SPAG1: variants seen among roughly 807,000 people sequenced by gnomAD.
SPAG1 encodes the protein sperm-associated antigen 1.
A neutral mutation model predicts 100.5 loss-of-function variants in SPAG1; 69 were observed. That is an observed-to-expected ratio of 0.69 (90% CI 0.57 to 0.84). The LOEUF is 0.84. Among genes scored for constraint, SPAG1 ranks in the 40% least tolerant of loss-of-function variants. The pLI, the probability that SPAG1 is intolerant of heterozygous loss-of-function variation, is 0.00. For missense variants in SPAG1, 955 were observed against 1,133.1 expected (o/e 0.84, Z 2.26); for synonymous variants, 336 against 411.6 (o/e 0.82, Z 2.22).
At chr8:100,175,093 C>T (rs1416971622) in intron 3 of SPAG1, among the ~76,000 whole-genome samples, 2 of 151,776 alleles carry the variant, frequency 1.3e-5, no homozygotes, top group Non-Finnish European at 2.9e-5. Flanking sequence ...TCAAGCGATC[C>T]TCCTGCCTCA....
intron 3 of SPAG1, among the ~76,000 whole-genome samples, chr8:100,171,093 A>G (rs557709405): frequency 6.6e-6 from 1 of 152,152 alleles, no homozygotes; most frequent in Non-Finnish European, 1.5e-5. Flanking sequence ...TTCTGCATTT[A>G]TTGAGATGAA....
rs1819276822 is a variant in SPAG1 at position 100,241,646 on chromosome 8, G to T, written c.*624G>T. 1 of 151,980 alleles carries T rather than the reference G, an allele frequency of 6.6e-6. No homozygotes were observed. Among genetic ancestry groups the T allele is most frequent in the African/African-American group, 2.4e-5 (1 of 41,386 alleles). 9.4% of individuals were successfully genotyped at this position (151,980 alleles called of 1,614,324 possible). The stretch of plus-strand genomic sequence containing the variant: ...CAAAAATTTCTACCACTTTTTACTA[G>T]ATTTTAAAAAGCTACTTTCTTTTAT... On this transcript the variant is annotated 3_prime_UTR_variant, in exon 19 of 19. Transcript: ENST00000388798. This position sits in a 1 kb window ranked among gnomAD's most constrained non-coding sequence, Gnocchi z 5.1.
intron 16 of SPAG1, among the ~76,000 whole-genome samples, chr8:100,236,709 A>G (rs1819022028): frequency 6.6e-6 from 1 of 152,168 alleles, no homozygotes; most frequent in Admixed American, 6.5e-5. Context: ...AGATCACTGA[A>G]CATTTTGCTT....
At chr8:100,206,447 C>T (rs1354691499) in intron 10 of SPAG1, among the ~76,000 whole-genome samples, 1 of 152,190 alleles carries the variant, frequency 6.6e-6, no homozygotes, top group East Asian at 1.9e-4. Context: ...AGATATCACA[C>T]TGGTACATTA....
At chr8:100,164,645 G>A (rs1469095066) in intron 2 of SPAG1, among the ~76,000 whole-genome samples, 1 of 152,038 alleles carries the variant, frequency 6.6e-6, no homozygotes, top group Admixed American at 6.6e-5. Context: ...GGCTGTTCTC[G>A]AACACCTGAC....
rs1225337315 is a variant in SPAG1 at position 100,239,737 on chromosome 8, G to A, written c.2280+333G>A. ...AGGGTAGACCTGGAGAATCCTGACG[G>A]GACTGATTTTGTTACAGGGGCCCTG... On this transcript the variant is annotated intron_variant, in intron 17 of 18. Coordinates refer to ENST00000388798, the MANE Select transcript of SPAG1 (RefSeq NM_003114.5). The surrounding 1 kb of genome is among the most constrained non-coding windows in gnomAD (Gnocchi z 5.0). 6.6e-6 allele frequency among the ~76,000 whole-genome samples: 1 copy of A among 152,154 alleles called. No individual in the cohort carries two copies. Among genetic ancestry groups the A allele is most frequent in the Non-Finnish European group, 1.5e-5 (1 of 68,030 alleles).
chr8:100,169,773 T>C (rs528093730), intron 3 of SPAG1, among the ~76,000 whole-genome samples: 1 of 152,294 alleles, frequency 6.6e-6, no homozygotes, highest in South Asian at 2.1e-4. Flanking sequence ...TGTGGGTCTA[T>C]TTCTGACTCT....
At chr8:100,230,500 T>C (rs1329020145) in intron 14 of SPAG1, among the ~76,000 whole-genome samples, 19 of 152,250 alleles carry the variant, frequency 1.2e-4, no homozygotes. Flanking sequence ...TGAGCCCTGT[T>C]AGCATTGTTT....
At chr8:100,184,765 C>G in intron 7 of SPAG1, 32 bp downstream of exon 7, 1 of 1,281,890 alleles carries the variant, frequency 7.8e-7, no homozygotes, top group Non-Finnish European at 1.1e-6. Flanking sequence ...TTTAAACTTG[C>G]CTTTTAAAAA....
intron 16 of SPAG1, among the ~76,000 whole-genome samples, 189 bp downstream of exon 16, chr8:100,233,726 A>G (rs1818880594): frequency 6.6e-6 from 1 of 152,234 alleles, no homozygotes; most frequent in Non-Finnish European, 1.5e-5. Flanking sequence ...ATGTGAAACT[A>G]GATTGCTTCT....
At chr8:100,194,686 T>G (rs1816956115) in intron 10 of SPAG1, 1 of 344,592 alleles carries the variant, frequency 2.9e-6, no homozygotes, top group African/African-American at 2.1e-5. Flanking sequence ...ACTAGAAAAT[T>G]GCTATGTGTG....
intron 7 of SPAG1, among the ~76,000 whole-genome samples, chr8:100,185,620 G>C (rs1816551471): frequency 6.6e-6 from 1 of 152,190 alleles, no homozygotes; most frequent in South Asian, 2.1e-4. Flanking sequence ...AACTTCTGAA[G>C]TTCTTAACAG....
chr8:100,194,366 A>C (rs753504054), intron 10 of SPAG1, 98 bp downstream of exon 10: 62 of 1,507,290 alleles, frequency 4.1e-5, no homozygotes, highest in Admixed American at 6.1e-5. Flanking sequence ...GTAATCTATC[A>C]GTTTTTCTAG....
At chr8:100,229,134 G>T (rs113158133) in intron 14 of SPAG1, among the ~76,000 whole-genome samples, 1 of 152,212 alleles carries the variant, frequency 6.6e-6, no homozygotes, top group African/African-American at 2.4e-5. Flanking sequence ...TAGGCCGGGC[G>T]TGGTGGCTCA....
Position 100,240,542 on chromosome 8 carries a change from A to G in SPAG1, c.2420A>G (p.Tyr807Cys), listed in dbSNP as rs778489087. The G allele has an allele frequency of 7.4e-6, 12 of 1,613,998 alleles. No homozygotes were observed. Among genetic ancestry groups the G allele is most frequent in the African/African-American group, 4.0e-5 (3 of 74,928 alleles). ...KLPIAKPNNAYEFGQIINALS... is the reference protein window; with the variant it reads ...KLPIAKPNNACEFGQIINALS... ...CCGATAGCCAAGCCTAATAATGCCT[A>G]TGAATTTGGTCAGATTATAAATGCT... The change falls in exon 18 of 19, where the codon TAT becomes TGT. Residue 807 changes from tyrosine (Y) to cysteine (C), a missense_variant. Transcript: ENST00000388798.
intron 1 of SPAG1, among the ~76,000 whole-genome samples, chr8:100,161,540 T>C (rs1398572618): frequency 3.3e-5 from 5 of 151,982 alleles, no homozygotes; most frequent in Non-Finnish European, 7.4e-5. Flanking sequence ...AGGCCTTTCC[T>C]GGGCCTTAAA....
chr8:100,182,592 C>G (rs1816412544), intron 4 of SPAG1, among the ~76,000 whole-genome samples: 1 of 152,282 alleles, frequency 6.6e-6, no homozygotes, highest in South Asian at 2.1e-4. Flanking sequence ...CAGCAGCACC[C>G]TTGCCCTTCC....
chr8:100,208,401 T>C (rs1162486844), intron 10 of SPAG1, among the ~76,000 whole-genome samples: 2 of 152,140 alleles, frequency 1.3e-5, no homozygotes, highest in African/African-American at 2.4e-5. Context: ...TTAAGGTCAA[T>C]GGGAAATTAC....
At chr8:100,231,338 T>C in intron 15 of SPAG1, 50 bp downstream of exon 15, 2 of 1,243,074 alleles carry the variant, frequency 1.6e-6, no homozygotes, top group Non-Finnish European at 2.2e-6. Context: ...GTTTTGATTA[T>C]TAAAAATATT....
Sources: gnomAD v4.1 joint callset for allele counts (sites outside exome capture counted in the v4.1 genomes callset) on GRCh38, gnomAD v4.1.1 for gene constraint, Gnocchi (gnomAD v3.1) non-coding constraint, MANE v1.5 for transcripts, NCBI Gene and HGNC (gene_info 2026-07-23, HGNC 2026-07-21) for gene names.